NEB: variants seen among roughly 807,000 people sequenced by gnomAD.
NEB encodes nebulin, also known as nemaline myopathy type 2.
In NEB, 512 loss-of-function variants were observed where a neutral mutation model predicts 952.2. The ratio of observed to expected loss-of-function variants is 0.54; its 90% confidence interval spans 0.50 to 0.58. The LOEUF is 0.58. Among genes scored for constraint, NEB ranks in the 20% least tolerant of loss-of-function variants. NEB has a pLI of 0.00. For synonymous variants in NEB, 2,900 were observed against 3,149.8 expected (o/e 0.92, Z 2.66); for missense variants, 8,428 against 9,231.1 (o/e 0.91, Z 3.56).
At chr2:151,534,080 G>T in intron 142 of NEB, 1 of 678,526 alleles carries the variant, frequency 1.5e-6, no homozygotes, top group Non-Finnish European at 2.5e-6. Flanking sequence ...TGGGTGGCTA[G>T]ACAGATACTT....
chr2:151,549,758 A>G lies in NEB; in HGVS notation c.19945-18T>C. On this transcript the variant is annotated intron_variant, in intron 129 of 181. Coordinates refer to ENST00000397345, the MANE Select transcript of NEB (RefSeq NM_001164508.2). ...TATAGATTCTGCAGGAATGAGGAAG[A>G]GCAGGTTAAATGACATCGGGCATCA... The G allele has an allele frequency of 4.8e-6, 7 of 1,470,788 alleles. No individual in the cohort carries two copies. Among genetic ancestry groups the G allele is most frequent in the African/African-American group, 1.4e-5 (1 of 72,008 alleles). 91.1% of individuals were successfully genotyped at this position (1,470,788 alleles called of 1,614,324 possible).
chr2:151,685,014 C>T (rs779848887), intron 27 of NEB, 39 bp from the exon 28 acceptor site: 19 of 1,497,712 alleles, frequency 1.3e-5, no homozygotes, highest in South Asian at 3.6e-5. Context: ...CACAAATCCT[C>T]GATGGATTTC....
At chr2:151,677,517 A>G in intron 34 of NEB, 48 bp downstream of exon 34, 1 of 1,409,424 alleles carries the variant, frequency 7.1e-7, no homozygotes, top group Non-Finnish European at 9.5e-7. Context: ...TTACTTTTCT[A>G]AAAAGCTTCC....
At chr2:151,566,261 G>A (rs937761981) in intron 114 of NEB, among the ~76,000 whole-genome samples, 6 of 152,160 alleles carry the variant, frequency 3.9e-5, no homozygotes, top group African/African-American at 1.2e-4. Flanking sequence ...AAATATTCAC[G>A]TATTGGGTAG....
At chr2:151,670,281 C>T (rs535864508) in intron 38 of NEB, among the ~76,000 whole-genome samples, 2 of 152,198 alleles carry the variant, frequency 1.3e-5, no homozygotes, top group African/African-American at 4.8e-5. Flanking sequence ...CTTCCAAAAT[C>T]TGGGGCTAAA....
intron 13 of NEB, among the ~76,000 whole-genome samples, chr2:151,702,938 C>A (rs1021713076): frequency 2.0e-5 from 3 of 151,882 alleles, no homozygotes; most frequent in African/African-American, 7.3e-5. Context: ...TTAGTTGATG[C>A]AGTTTCTTCC....
At chr2:151,619,078 T>C (rs1242921808) in intron 73 of NEB, among the ~76,000 whole-genome samples, 1 of 152,230 alleles carries the variant, frequency 6.6e-6, no homozygotes, top group African/African-American at 2.4e-5. Flanking sequence ...TTTAGCATAA[T>C]ATGCTTTCCC....
Position 151,643,982 on chromosome 2 carries a change from T to C in NEB, c.7792A>G (p.Thr2598Ala). The C allele has an allele frequency of 6.2e-7, 1 of 1,613,954 alleles. No homozygotes were observed. Among genetic ancestry groups the C allele is most frequent in the East Asian group, 2.2e-5 (1 of 44,872 alleles). The change falls in exon 57 of 182, where the codon ACC becomes GCC. Residue 2598 changes from threonine to alanine, a missense_variant. Physicochemically the swap from Thr to Ala is moderately conservative, Grantham distance 58. Transcript: ENST00000397345. ...EYKKDFEKWK[T>A]KFSSPVDMLG... is the part of the protein sequence containing the mutation. ...ATGTCCACTGGGCTGCTGAACTTGG[T>C]CTTCCACTTCTCAAAGTCCTTCTTG...
Position 151,665,551 on chromosome 2 carries a change from GA to G in NEB, c.5032-13del, listed in dbSNP as rs148862132. 112 of 1,542,092 alleles carry G rather than the reference GA, an allele frequency of 7.3e-5. 2 individuals are homozygous for G. In the South Asian group the frequency reaches 1.2e-3, roughly 16 times the overall value. Reference sequence around the variant, plus strand: ...GATTTGTACAGATTCTTTACAATGAGAAAAAAAATTTCATTTCAGAAAGAGT... The same window carrying G: ...GATTTGTACAGATTCTTTACAATGAGAAAAAAATTTCATTTCAGAAAGAGT... On this transcript the variant is annotated splice_polypyrimidine_tract_variant and intron_variant, in intron 41 of 181. Transcript: ENST00000397345.
In NEB at chr2:151,616,090, A is replaced by G; in HGVS notation, c.11201T>C (p.Leu3734Ser). ...NYSDKLYKLA[L>S]EESKKEGYDL... ...ATAGCCTTCCTTCTTGGACTCTTCC[A>G]AAGCAAGTTTATAGAGTTTCTGTAG... Residue 3734 changes from leucine to serine, a missense_variant, in exon 76 of 182, where the codon TTG becomes TCG. By Grantham distance (145) the Leu-to-Ser change is moderately radical. Around this residue, in one of 11 missense-constraint regions of NEB, gnomAD observed 1,772 missense variants for 1,960.3 expected, o/e 0.90. Transcript: ENST00000397345. 6.2e-7 allele frequency: 1 copy of G among 1,612,316 alleles called. No individual in the cohort carries two copies. The highest frequency in any genetic ancestry group is 8.5e-7 in the Non-Finnish European group (1 of 1,179,110).
At chr2:151,537,745 T>G (rs1172100233) in intron 140 of NEB, 127 bp downstream of exon 140, 2 of 574,962 alleles carry the variant, frequency 3.5e-6, no homozygotes, top group African/African-American at 3.9e-5. Context: ...AGTTTTATGA[T>G]TTAAACATCC....
intron 18 of NEB, 125 bp from the exon 19 acceptor site, chr2:151,694,754 G>C: frequency 1.4e-6 from 1 of 725,724 alleles, no homozygotes. Context: ...TATTGTCTAG[G>C]AAATCATGCA....
intron 3 of NEB, among the ~76,000 whole-genome samples, chr2:151,731,486 C>T (rs1469217043): frequency 1.3e-5 from 2 of 152,100 alleles, no homozygotes; most frequent in African/African-American, 4.8e-5. Flanking sequence ...TAAAATCTTC[C>T]CTGGCCATTT....
At chr2:151,706,137 T>C (rs1429258245) in intron 13 of NEB, among the ~76,000 whole-genome samples, 2 of 152,150 alleles carry the variant, frequency 1.3e-5, no homozygotes, top group Non-Finnish European at 2.9e-5. Flanking sequence ...TTTGGGCAGA[T>C]CCATTTATAC....
rs1385460652 is a variant in NEB at position 151,570,337 on chromosome 2, G to A, written c.17174C>T (p.Thr5725Ile). Residue 5725 changes from threonine (T) to isoleucine (I), a missense_variant, in exon 109 of 182, where the codon ACA becomes ATA. By Grantham distance (89) the Thr-to-Ile change is moderately conservative. Coordinates refer to ENST00000397345, the MANE Select transcript of NEB (RefSeq NM_001164508.2). The stretch of plus-strand genomic sequence containing the variant: ...GCGGATCTTGTTGTCATCCCTGGCT[G>A]TGAGGGTGCCCACGTAGTGTCCCTT... ...KQKGHYVGTL[T>I]ARDDNKIRWA... is the part of the protein sequence containing the mutation. The A allele has an allele frequency of 1.2e-6, 2 of 1,604,754 alleles. No individual in the cohort carries two copies. The highest frequency in any genetic ancestry group is 3.4e-5 in the Admixed American group (2 of 59,596).
chr2:151,710,463 C>CA lies in NEB; in HGVS notation c.897dup (p.Ala300CysfsTer6). ...CTAATGTTATCAGCATTCATTCTGG[C>CA]ATTTGCAACTTCAAAGCAAGGTGTC... On this transcript the variant is annotated frameshift_variant, in exon 11 of 182. Coordinates refer to ENST00000397345, the MANE Select transcript of NEB (RefSeq NM_001164508.2). LOFTEE classifies it high-confidence loss of function. 1 of 1,612,392 alleles carries CA rather than the reference C, an allele frequency of 6.2e-7. No homozygotes were observed. The highest frequency in any genetic ancestry group is 8.5e-7 in the Non-Finnish European group (1 of 1,178,736).
intron 37 of NEB, 183 bp from the exon 38 acceptor site, chr2:151,671,412 C>G: frequency 1.7e-6 from 1 of 586,210 alleles, no homozygotes; most frequent in Non-Finnish European, 3.0e-6. Context: ...TGTTAGAGTG[C>G]ATTATACAAC....
At chr2:151,529,419 T>A in intron 145 of NEB, 105 bp from the exon 146 acceptor site, 1 of 744,050 alleles carries the variant, frequency 1.3e-6, no homozygotes, top group East Asian at 2.7e-5. Flanking sequence ...TACACAATGC[T>A]CCTTAAGACG....
At chr2:151,517,081 T>C (rs986844585) in intron 156 of NEB, among the ~76,000 whole-genome samples, 2 of 152,236 alleles carry the variant, frequency 1.3e-5, no homozygotes, top group African/African-American at 2.4e-5. Context: ...ACTGGCCATA[T>C]ATTTAATGCA....
Sources: allele counts gnomAD v4.1 joint callset (sites outside exome capture counted in the v4.1 genomes callset), GRCh38; gene constraint gnomAD v4.1.1; regional missense constraint gnomAD v4.1.1; transcripts MANE v1.5; gene names NCBI Gene and HGNC (gene_info 2026-07-23, HGNC 2026-07-21).